Variants in MOB1B observed in about 807,000 individuals in gnomAD.
MOB1B encodes MOB kinase activator 1B, also known as MOB1 Mps One Binder homolog B.
In MOB1B, 19 loss-of-function variants were observed where a neutral mutation model predicts 24.4. The ratio of observed to expected loss-of-function variants is 0.78; its 90% confidence interval spans 0.54 to 1.14. The LOEUF is 1.14. Ranked by LOEUF, MOB1B falls within the 50% of genes most tolerant of loss-of-function variation. The probability of loss-of-function intolerance (pLI) is 0.00; values close to 1 mark genes in which losing one functional copy is unlikely to be tolerated. For synonymous variants in MOB1B, 76 were observed against 82.1 expected (o/e 0.93, Z 0.40); for missense variants, 243 against 259.6 (o/e 0.94, Z 0.44).
intron 2 of MOB1B, among the ~76,000 whole-genome samples, chr4:70,960,820 G>A (rs530250013): frequency 2.6e-5 from 4 of 152,114 alleles, no homozygotes; most frequent in African/African-American, 9.7e-5. Flanking sequence ...GTGCCTTTTT[G>A]TAAAATTTGA....
At chr4:70,948,076 A>G (rs1737658736) in intron 1 of MOB1B, among the ~76,000 whole-genome samples, 1 of 152,120 alleles carries the variant, frequency 6.6e-6, no homozygotes, top group African/African-American at 2.4e-5. Flanking sequence ...TAGGTCTATC[A>G]TCTAATTCAT....
intron 1 of MOB1B, among the ~76,000 whole-genome samples, chr4:70,915,265 C>T (rs909552802): frequency 5.3e-5 from 8 of 152,104 alleles, no homozygotes; most frequent in South Asian, 2.1e-4. Flanking sequence ...ATAGTGTCAT[C>T]GGTGGAGGGT....
chr4:70,954,064 A>C (rs1737926859), intron 1 of MOB1B, among the ~76,000 whole-genome samples: 1 of 152,036 alleles, frequency 6.6e-6, no homozygotes, highest in African/African-American at 2.4e-5. Context: ...GCACCCCCCC[A>C]AAAAAAGAAA....
intron 1 of MOB1B, among the ~76,000 whole-genome samples, chr4:70,929,521 C>G (rs1307602579): frequency 6.6e-6 from 1 of 152,138 alleles, no homozygotes; most frequent in South Asian, 2.1e-4. Context: ...TGCTCTGTGG[C>G]TGAGTCTGTA....
At chr4:70,965,169 T>G (rs1738462580) in intron 2 of MOB1B, among the ~76,000 whole-genome samples, 1 of 151,198 alleles carries the variant, frequency 6.6e-6, no homozygotes, top group African/African-American at 2.4e-5. Context: ...TGGTGGCAGG[T>G]GCTTGTAATC....
At chr4:70,964,346 C>G (rs1304677560) in intron 2 of MOB1B, among the ~76,000 whole-genome samples, 3 of 152,178 alleles carry the variant, frequency 2.0e-5, no homozygotes, top group Admixed American at 6.5e-5. Context: ...CCAATACATT[C>G]TCTGACCATG....
At chr4:70,950,561 C>T (rs1030431208) in intron 1 of MOB1B, 4 of 395,110 alleles carry the variant, frequency 1.0e-5, no homozygotes, top group Admixed American at 7.2e-5. Context: ...ATTTGTCATC[C>T]ATAAAATAAA....
chr4:70,910,782 C>A (rs1178481615), intron 1 of MOB1B, among the ~76,000 whole-genome samples: 4 of 151,774 alleles, frequency 2.6e-5, no homozygotes, highest in Admixed American at 2.6e-4. Context: ...GGATAAAGTT[C>A]TGAATCTTTT....
At chr4:70,945,669 A>C (rs1420836316) in intron 1 of MOB1B, among the ~76,000 whole-genome samples, 1 of 152,222 alleles carries the variant, frequency 6.6e-6, no homozygotes, top group African/African-American at 2.4e-5. Context: ...GCCTTGTGAT[A>C]GGTTCTGGAG....
chr4:70,978,009 G>A (rs1034297707), intron 4 of MOB1B, among the ~76,000 whole-genome samples: 12 of 152,220 alleles, frequency 7.9e-5, no homozygotes, highest in African/African-American at 2.9e-4. Context: ...TACACTATTT[G>A]TAACTATGGT....
rs1737117882 is a variant in MOB1B, at chr4:70,937,144, C to T, written c.15-21730C>T. Among the ~76,000 whole-genome samples the T allele has an allele frequency of 2.0e-5, 3 of 152,166 alleles. No individual in the cohort carries two copies. In the South Asian group the frequency reaches 6.2e-4, roughly 32 times the overall value. ...TATTGGCTAGGCAGATCTCAAACTCCTGTCTTCAGATGATCCTCCTGCCTC... is the reference window on the plus strand; with the variant it reads ...TATTGGCTAGGCAGATCTCAAACTCTTGTCTTCAGATGATCCTCCTGCCTC... On this transcript the variant is annotated intron_variant, in intron 1 of 5. Coordinates refer to ENST00000309395, the MANE Select transcript of MOB1B (RefSeq NM_173468.4).
At chr4:70,905,713 G>A (rs1352873504) in intron 1 of MOB1B, among the ~76,000 whole-genome samples, 4 of 152,042 alleles carry the variant, frequency 2.6e-5, no homozygotes, top group Non-Finnish European at 5.9e-5. Context: ...CAAAGGTGGT[G>A]ACTCATGACT....
intron 3 of MOB1B, among the ~76,000 whole-genome samples, chr4:70,973,210 C>G (rs963284405): frequency 1.3e-5 from 2 of 152,032 alleles, no homozygotes; most frequent in Admixed American, 6.6e-5. Context: ...TGTGACACAT[C>G]TGAAAATGAT....
At chr4:70,975,381 G>T in intron 4 of MOB1B, 95 bp downstream of exon 4, 1 of 1,537,522 alleles carries the variant, frequency 6.5e-7, no homozygotes, top group Non-Finnish European at 8.7e-7. Flanking sequence ...TAGTTGGAGA[G>T]TTCTTTATGG....
rs1738182090 is a variant in MOB1B at position 70,958,906 on chromosome 4, A to C, written c.47A>C (p.Lys16Thr). 3 of 1,613,092 alleles carry C rather than the reference A, an allele frequency of 1.9e-6. No homozygotes were observed. Among genetic ancestry groups the C allele is most frequent in the Non-Finnish European group, 2.5e-6 (3 of 1,179,834 alleles). ...GSRSSKTFKP[K>T]KNIPEGSHQY... ...CGCTCTTCTAAAACTTTTAAACCAA[A>C]GAAGAACATTCCAGAGGGTTCTCAC... The change falls in exon 2 of 6, where the codon AAG (lysine) becomes ACG (threonine). Residue 16 changes from lysine (K) to threonine (T), a missense_variant. Lys to Thr is a moderately conservative substitution (Grantham distance 78). Transcript: ENST00000309395.
At position 70,983,552 on chromosome 4, in the gene MOB1B, T is replaced by TA. The variant is rs1739283651; in HGVS notation, c.*1495_*1496insA. 6.6e-6 allele frequency: 1 copy of TA among 152,444 alleles called. No individual in the cohort carries two copies. Among genetic ancestry groups the TA allele is most frequent in the Non-Finnish European group, 1.5e-5 (1 of 68,004 alleles). 9.4% of individuals were successfully genotyped at this position (152,444 alleles called of 1,614,324 possible). A position where few individuals can be genotyped will look rare whatever the true frequency, so the allele number is the denominator to read the frequency against. ...TAGTTTTGTCATTTTCGATAAATCT[T>TA]TCTTCAGTTAGAAATATATATCCTT... is the stretch of plus-strand genomic sequence containing the variant. On this transcript the variant is annotated 3_prime_UTR_variant, in exon 6 of 6. Transcript: ENST00000309395.
chr4:70,915,326 A>G (rs934377557), intron 1 of MOB1B, among the ~76,000 whole-genome samples: 2 of 152,218 alleles, frequency 1.3e-5, no homozygotes, highest in African/African-American at 4.8e-5. Flanking sequence ...TGCACAGACA[A>G]AACAAGGAAG....
At chr4:70,902,640 C>G in intron 1 of MOB1B, 90 bp downstream of exon 1, 2 of 1,315,778 alleles carry the variant, frequency 1.5e-6, no homozygotes, top group Admixed American at 2.4e-5. Context: ...GCCCTCGTCC[C>G]GACCCTCCTG....
intron 1 of MOB1B, among the ~76,000 whole-genome samples, chr4:70,929,703 T>TGGC (rs1365404116): frequency 1.3e-5 from 2 of 151,378 alleles, no homozygotes; most frequent in African/African-American, 4.9e-5. Flanking sequence ...TGGAGTGCAG[T>TGGC]GGCGCGATCT....
Sources: gnomAD v4.1 joint callset for allele counts (sites outside exome capture counted in the v4.1 genomes callset) on GRCh38, gnomAD v4.1.1 for gene constraint, MANE v1.5 for transcripts, NCBI Gene and HGNC (gene_info 2026-07-23, HGNC 2026-07-21) for gene names.